EPRS1: variants seen among roughly 807,000 people sequenced by gnomAD.
EPRS1 encodes the protein bifunctional glutamate/proline--tRNA ligase.
EPRS1 carries 107 observed loss-of-function variants against 188.3 expected under a neutral mutation model. The ratio of observed to expected loss-of-function variants is 0.57; its 90% CI spans 0.49 to 0.67. The LOEUF is 0.67. Ranked by LOEUF, EPRS1 falls within the 30% of genes least tolerant of loss-of-function variation. The pLI, the probability that EPRS1 is intolerant of heterozygous loss-of-function variation, is 0.00. For missense variants in EPRS1, 1,577 were observed against 1,802.2 expected (o/e 0.88, Z 2.26); for synonymous variants, 596 against 593.1 (o/e 1.00, Z -0.07).
At position 220,033,668 on chromosome 1, in the gene EPRS1, T is replaced by A; in HGVS notation, c.232-10A>T. 1 of 1,584,964 alleles carries A rather than the reference T, an allele frequency of 6.3e-7. No homozygotes were observed. Among genetic ancestry groups the A allele is most frequent in the East Asian group, 2.2e-5 (1 of 44,614 alleles). ...CCAACCAGTGATCAATCTGTCAACA[T>A]AAAAGACAGAAAAGAAATGCATTCC... is the stretch of plus-strand genomic sequence containing the variant. On this transcript the variant is annotated splice_polypyrimidine_tract_variant and intron_variant, in intron 3 of 31. Transcript: ENST00000366923.
At chr1:220,021,862 G>GT (rs11323724) in intron 9 of EPRS1, among the ~76,000 whole-genome samples, 11 of 149,012 alleles carry the variant, frequency 7.4e-5, no homozygotes, top group Non-Finnish European at 1.3e-4. Context: ...ATAAAGTAGG[G>GT]TTTTTTTTTT....
In EPRS1 at chr1:220,035,942, G is replaced by A. The variant is rs946055040; in HGVS notation, c.132-929C>T. On this transcript the variant is annotated intron_variant, in intron 2 of 31. Coordinates refer to ENST00000366923, the MANE Select transcript of EPRS1 (RefSeq NM_004446.3). ...AAGCCAGGTGTGGTGGCTCATGCCT[G>A]TAATCCCGGCACTTCGGGAGGCCGA... 1.8e-4 allele frequency among the ~76,000 whole-genome samples: 28 copies of A among 152,224 alleles called. No homozygotes were observed. In the East Asian group the frequency reaches 4.8e-3, roughly 26 times the overall value.
At chr1:220,044,644 G>A (rs968353035) in intron 1 of EPRS1, among the ~76,000 whole-genome samples, 9 of 126,552 alleles carry the variant, frequency 7.1e-5, no homozygotes, top group East Asian at 2.4e-4. Context: ...AGAATTGCTT[G>A]ATCCTGGGAG....
chr1:220,005,763 A>G lies in EPRS1; in HGVS notation c.1950+343T>C, dbSNP rs535761999. 1.4e-4 allele frequency among the ~76,000 whole-genome samples: 21 copies of G among 150,942 alleles called. No individual in the cohort carries two copies. The South Asian group carries it at 4.2e-3, about 30-fold the overall frequency. The stretch of plus-strand genomic sequence containing the variant: ...TGTTTGTCCTCAGGTAAGTTACTCA[A>G]CTTCACTGTGTTTCACTTCCTATCA... On this transcript the variant is annotated intron_variant, in intron 15 of 31. Coordinates refer to ENST00000366923, the MANE Select transcript of EPRS1 (RefSeq NM_004446.3).
intron 13 of EPRS1, among the ~76,000 whole-genome samples, chr1:220,008,989 A>C: frequency 6.6e-6 from 1 of 152,166 alleles, no homozygotes; most frequent in East Asian, 1.9e-4. Flanking sequence ...AATCTAAACT[A>C]TCAGACCACA....
At chr1:219,996,476 C>T (rs1351149526) in intron 18 of EPRS1, among the ~76,000 whole-genome samples, 2 of 152,154 alleles carry the variant, frequency 1.3e-5, no homozygotes, top group South Asian at 4.1e-4. Flanking sequence ...GTATTCTCCA[C>T]GTGCTCTGAA....
chr1:220,023,364 A>G lies in EPRS1; in HGVS notation c.944-846T>C, dbSNP rs547147381. ...AAATGTAGAAAACCTTTTCAAAATA[A>G]AAAAGACTCATTATAACTATTTTAA... On this transcript the variant is annotated intron_variant, in intron 8 of 31. Coordinates refer to ENST00000366923, the MANE Select transcript of EPRS1 (RefSeq NM_004446.3). 8.8e-4 allele frequency among the ~76,000 whole-genome samples: 134 copies of G among 152,332 alleles called. 1 individual carries two copies. Among genetic ancestry groups the G allele is most frequent in the African/African-American group, 3.1e-3 (127 of 41,582 alleles).
chr1:219,984,572 C>T (rs1315575796), intron 20 of EPRS1, among the ~76,000 whole-genome samples: 3 of 152,136 alleles, frequency 2.0e-5, no homozygotes, highest in East Asian at 3.9e-4. Context: ...GTGCATACAA[C>T]ATCTGGCTTA....
intron 30 of EPRS1, among the ~76,000 whole-genome samples, chr1:219,971,738 T>C (rs1262846026): frequency 7.8e-6 from 1 of 128,698 alleles, no homozygotes; most frequent in African/African-American, 2.7e-5. Flanking sequence ...ACCCCCAAAA[T>C]GGTATAATGT....
At chr1:220,027,402 C>G (rs1399596742) in intron 6 of EPRS1, among the ~76,000 whole-genome samples, 2 of 145,328 alleles carry the variant, frequency 1.4e-5, no homozygotes, top group Admixed American at 1.4e-4. Flanking sequence ...CACTCCAGCC[C>G]GGGCGACAGA....
At chr1:220,019,434 A>G (rs1446190956) in intron 10 of EPRS1, among the ~76,000 whole-genome samples, 1 of 152,244 alleles carries the variant, frequency 6.6e-6, no homozygotes, top group Non-Finnish European at 1.5e-5. Flanking sequence ...TGAGAATCAG[A>G]AAAAAGATGG....
At chr1:219,988,327 G>A (rs1158097579) in intron 19 of EPRS1, among the ~76,000 whole-genome samples, 2 of 152,100 alleles carry the variant, frequency 1.3e-5, no homozygotes, top group African/African-American at 2.4e-5. Context: ...ACAGGTTGGA[G>A]GGAAACAAAC....
At chr1:219,998,963 T>C (rs1385219402) in intron 17 of EPRS1, among the ~76,000 whole-genome samples, 1 of 151,464 alleles carries the variant, frequency 6.6e-6, no homozygotes, top group Non-Finnish European at 1.5e-5. Flanking sequence ...TGTGATTTTT[T>C]CCCTGTGTAT....
chr1:220,019,152 T>G, intron 10 of EPRS1, 73 bp from the exon 11 acceptor site: 2 of 931,004 alleles, frequency 2.1e-6, no homozygotes, highest in Non-Finnish European at 3.5e-6. Context: ...AGATACTTAA[T>G]CAATAATAAA....
At position 219,979,964 on chromosome 1, in the gene EPRS1, C is replaced by T. The variant is rs7537559; in HGVS notation, c.3711+121G>A. 0.013 allele frequency: 11,074 copies of T among 851,130 alleles called. 799 individuals are homozygous for T. In the African/African-American group the frequency reaches 0.18, roughly 14 times the overall value. 52.7% of individuals were successfully genotyped at this position (851,130 alleles called of 1,614,324 possible). Reference sequence around the variant, plus strand: ...GATAGATTTGTTTGAAATTATTATACGAAAGTACATGAAACACTTATTTTT... The same window carrying T: ...GATAGATTTGTTTGAAATTATTATATGAAAGTACATGAAACACTTATTTTT... On this transcript the variant is annotated intron_variant, in intron 26 of 31. Transcript: ENST00000366923.
In EPRS1 at chr1:220,000,077, G is replaced by C. The variant is rs150338670; in HGVS notation, c.2181+1061C>G. On this transcript the variant is annotated intron_variant, in intron 17 of 31. Coordinates refer to ENST00000366923, the MANE Select transcript of EPRS1 (RefSeq NM_004446.3). ...ACCACATGGGATACATAGGTTTTTAGTGGTTTGCCTCAACTCTGTTTTTCT... is the reference window on the plus strand; with the variant it reads ...ACCACATGGGATACATAGGTTTTTACTGGTTTGCCTCAACTCTGTTTTTCT... Among the ~76,000 whole-genome samples, 20 of 152,276 alleles carry C rather than the reference G, an allele frequency of 1.3e-4. No individual in the cohort carries two copies. The East Asian group carries it at 3.9e-3, about 30-fold the overall frequency.
chr1:220,032,302 G>A lies in EPRS1; in HGVS notation c.528+85C>T, dbSNP rs541666310. 4.1e-4 allele frequency: 411 copies of A among 1,007,466 alleles called. 2 individuals carry two copies. Among genetic ancestry groups the A allele is most frequent in the Non-Finnish European group, 5.3e-4 (375 of 706,212 alleles). 62.4% of individuals were successfully genotyped at this position (1,007,466 alleles called of 1,614,324 possible). A position where few individuals can be genotyped will look rare whatever the true frequency, so the allele number is the denominator to read the frequency against. The stretch of plus-strand genomic sequence containing the variant: ...GCGGTTTCACCGTGTTATTCAGGAT[G>A]GTCTCAATCTCCTGACCTTGTGATC... On this transcript the variant is annotated intron_variant, in intron 5 of 31. Coordinates refer to ENST00000366923, the MANE Select transcript of EPRS1 (RefSeq NM_004446.3).
At chr1:219,982,957 G>C in intron 22 of EPRS1, 113 bp from the exon 23 acceptor site, 1 of 954,490 alleles carries the variant, frequency 1.0e-6, no homozygotes. Context: ...ATTTAGGCAA[G>C]TTAAAATAGT....
chr1:219,971,861 G>A (rs1660674262), intron 30 of EPRS1, among the ~76,000 whole-genome samples: 1 of 136,046 alleles, frequency 7.4e-6, no homozygotes, highest in South Asian at 2.4e-4. Flanking sequence ...TATATATTTA[G>A]ATTATATATT....
Sources: allele counts gnomAD v4.1 joint callset (sites outside exome capture counted in the v4.1 genomes callset), GRCh38; gene constraint gnomAD v4.1.1; transcripts MANE v1.5; gene names NCBI Gene and HGNC (gene_info 2026-07-23, HGNC 2026-07-21).